ALAS1: variants seen among roughly 807,000 people sequenced by gnomAD.
ALAS1 encodes 5'-aminolevulinate synthase 1.
Under a neutral mutation model 59.6 loss-of-function variants are expected in ALAS1, and 29 were observed. The ratio of observed to expected loss-of-function variants is 0.49; its 90% CI spans 0.36 to 0.66. The LOEUF is 0.66. Among genes scored for constraint, ALAS1 ranks in the 30% least tolerant of loss-of-function variants. The pLI is 0.00. For synonymous variants in ALAS1, 299 were observed against 296.6 expected (o/e 1.01, Z -0.08); for missense variants, 690 against 807.5 (o/e 0.85, Z 1.76).
intron 3 of ALAS1, 46 bp from the exon 4 acceptor site, chr3:52,202,461 T>A (rs1348409009): frequency 3.4e-6 from 5 of 1,474,874 alleles, no homozygotes; most frequent in Non-Finnish European, 4.7e-6. Context: ...TCTTACATAC[T>A]GTGCAACCAG....
rs199511435 is a variant in ALAS1 at position 52,214,117 on chromosome 3, G to A, written c.1860G>A (p.Val620=). 1.9e-6 allele frequency: 3 copies of A among 1,613,954 alleles called. No homozygotes were observed. In the East Asian group the frequency reaches 6.7e-5, roughly 36 times the overall value. The change falls in exon 12 of 12, where the codon GTG becomes GTA. Residue 620 remains valine, a synonymous_variant. Transcript: ENST00000484952. ...GCAGGAGGCCACTGCATTTTGAAGT[G>A]ATGAGTGAAAGAGAGAAGTCCTATT... ...NFCRRPLHFE[V]MSEREKSYFS...
chr3:52,208,358 C>G, intron 9 of ALAS1, 111 bp downstream of exon 9: 1 of 1,203,116 alleles, frequency 8.3e-7, no homozygotes. Context: ...CATATGAAGC[C>G]TGGGCCACTC....
Position 52,211,365 on chromosome 3 carries a change from C to T in ALAS1, c.1413C>T (p.Phe471=). The stretch of plus-strand genomic sequence containing the variant: ...CCGTACGGTCCTATGCTGCTGGCTT[C>T]ATCTTCACCACCTCTCTGCCACCCA... ...IDTVRSYAAG[F]IFTTSLPPML... The change falls in exon 10 of 12, where the codon TTC becomes TTT. Residue 471 remains phenylalanine, a synonymous_variant. Coordinates refer to ENST00000484952, the MANE Select transcript of ALAS1 (RefSeq NM_000688.6). 1 of 1,614,210 alleles carries T rather than the reference C, an allele frequency of 6.2e-7. No homozygotes were observed. The highest frequency in any genetic ancestry group is 1.1e-5 in the South Asian group (1 of 91,084).
intron 3 of ALAS1, among the ~76,000 whole-genome samples, chr3:52,199,833 CT>C (rs1380046999): frequency 1.3e-5 from 2 of 152,004 alleles, no homozygotes; most frequent in Non-Finnish European, 2.9e-5. Context: ...TTTAATTTTT[CT>C]TTTTTGAGAC....
At chr3:52,198,390 TTATCCTCCA>T (rs1217734534) in intron 1 of ALAS1, 135 bp downstream of exon 1, 3 of 429,338 alleles carry the variant, frequency 7.0e-6, no homozygotes, top group Non-Finnish European at 1.2e-5. Flanking sequence ...AGGTCAGCGT[TTATCCTCCA>T]GATCTTTTGC....
In ALAS1 at chr3:52,204,742, G is replaced by A; in HGVS notation, c.627G>A (p.Glu209=). The A allele has an allele frequency of 6.2e-7, 1 of 1,614,138 alleles. No individual in the cohort carries two copies. The highest frequency in any genetic ancestry group is 1.1e-5 in the South Asian group (1 of 91,088). ...GTTTCTTTGAGAAAAAAATTGATGAGAAAAAGAATGACCACACCTATCGAG... is the reference window on the plus strand; with the variant it reads ...GTTTCTTTGAGAAAAAAATTGATGAAAAAAAGAATGACCACACCTATCGAG... ...YDRFFEKKID[E]KKNDHTYRVF... The change falls in exon 6 of 12, where the codon GAG becomes GAA. Residue 209 remains glutamate (E), a synonymous_variant. Transcript: ENST00000484952.
At chr3:52,206,338 C>A (rs142791745) in intron 7 of ALAS1, among the ~76,000 whole-genome samples, 13 of 152,274 alleles carry the variant, frequency 8.5e-5, no homozygotes, top group African/African-American at 2.9e-4. Flanking sequence ...TGGAGTGAGG[C>A]AGTCAGATTT....
At chr3:52,203,808 T>C in intron 4 of ALAS1, 55 bp from the exon 5 acceptor site, 1 of 1,527,198 alleles carries the variant, frequency 6.5e-7, no homozygotes, top group Admixed American at 2.2e-5. Context: ...TGGAAGATAT[T>C]GTGAACTCAG....
chr3:52,208,054 C>G, intron 8 of ALAS1, 29 bp from the exon 9 acceptor site: 1 of 1,504,724 alleles, frequency 6.6e-7, no homozygotes, highest in Non-Finnish European at 8.8e-7. Context: ...GGCAAAAGCT[C>G]TTCAGAGCAG....
intron 11 of ALAS1, 113 bp downstream of exon 11, chr3:52,212,533 T>C: frequency 7.1e-7 from 1 of 1,415,286 alleles, no homozygotes; most frequent in Middle Eastern, 2.5e-4. Context: ...TTCTTCTTTT[T>C]TTAGTTTTTT....
chr3:52,205,844 C>T lies in ALAS1; in HGVS notation c.806C>T (p.Thr269Ile). Residue 269 changes from threonine (T) to isoleucine (I), a missense_variant, in exon 7 of 12, where the codon ACT becomes ATT. Coordinates refer to ENST00000484952, the MANE Select transcript of ALAS1 (RefSeq NM_000688.6). ...HPRVCGAVMD[T>I]LKQHGAGAGG... The stretch of plus-strand genomic sequence containing the variant: ...TTGTTTGTATTTTTAAACAGGGACA[C>T]TTTGAAACAACATGGTGCTGGGGCA... 1 of 1,607,176 alleles carries T rather than the reference C, an allele frequency of 6.2e-7. No individual in the cohort carries two copies. The highest frequency in any genetic ancestry group is 1.1e-5 in the South Asian group (1 of 90,130).
At chr3:52,208,004 A>G in intron 8 of ALAS1, 79 bp from the exon 9 acceptor site, 1 of 1,364,704 alleles carries the variant, frequency 7.3e-7, no homozygotes, top group Non-Finnish European at 9.7e-7. Context: ...ATAGAAGTTT[A>G]CGTTGTTCTG....
At chr3:52,211,850 T>C (rs1699416810) in intron 10 of ALAS1, among the ~76,000 whole-genome samples, 1 of 152,208 alleles carries the variant, frequency 6.6e-6, no homozygotes, top group Non-Finnish European at 1.5e-5. Flanking sequence ...AGCTTTGAAG[T>C]ATGGCTTTCT....
In ALAS1 at chr3:52,206,630, CA is replaced by C; in HGVS notation, c.1045del (p.Ser349AlafsTer112). ...HASMIQGIRN[S>X]RVPKYIFRHN... Reference sequence around the variant, plus strand: ...CCTCCATGATCCAAGGGATTCGAAACAGCCGAGTGCCAAAGTACATCTTCCG... The same window carrying C: ...CCTCCATGATCCAAGGGATTCGAAACGCCGAGTGCCAAAGTACATCTTCCG... On this transcript the variant is annotated frameshift_variant, in exon 8 of 12. Transcript: ENST00000484952. LOFTEE classifies it high-confidence loss of function. The C allele has an allele frequency of 6.2e-7, 1 of 1,614,204 alleles. No individual in the cohort carries two copies.
rs773391171 is a variant in ALAS1 at position 52,198,809 on chromosome 3, C to T, written c.-72C>T. On this transcript the variant is annotated 5_prime_UTR_variant, in exon 2 of 12. Transcript: ENST00000484952. The stretch of plus-strand genomic sequence containing the variant: ...GAAAGTCAGGATCCCTAAGAGTCTT[C>T]CCTGCCTGGATGGATGAGTGGCTTC... 118 of 1,535,522 alleles carry T rather than the reference C, an allele frequency of 7.7e-5. No individual in the cohort carries two copies. Among genetic ancestry groups the T allele is most frequent in the Non-Finnish European group, 9.8e-5 (112 of 1,146,898 alleles).
chr3:52,211,326 T>C lies in ALAS1; in HGVS notation c.1374T>C (p.Ser458=). 6.2e-7 allele frequency: 1 copy of C among 1,614,066 alleles called. No homozygotes were observed. The highest frequency in any genetic ancestry group is 8.5e-7 in the Non-Finnish European group (1 of 1,180,008). Reference sequence around the variant, plus strand: ...TTGGAGGGTACATCGCCAGCACGAGTTCTCTGATTGACACCGTACGGTCCT... The same window carrying C: ...TTGGAGGGTACATCGCCAGCACGAGCTCTCTGATTGACACCGTACGGTCCT... ...GCVGGYIAST[S]SLIDTVRSYA... Residue 458 remains serine (S), a synonymous_variant, in exon 10 of 12, where the codon AGT becomes AGC. Coordinates refer to ENST00000484952, the MANE Select transcript of ALAS1 (RefSeq NM_000688.6).
intron 3 of ALAS1, among the ~76,000 whole-genome samples, chr3:52,201,392 T>G (rs530318296): frequency 6.6e-6 from 1 of 152,346 alleles, no homozygotes; most frequent in South Asian, 2.1e-4. Context: ...TTCTGTTGTT[T>G]AGATGAAAAC....
In ALAS1 at chr3:52,205,878, T is replaced by C; in HGVS notation, c.840T>C (p.Thr280=). The part of the protein sequence containing the change: ...LKQHGAGAGG[T]RNISGTSKFH... ...AACATGGTGCTGGGGCAGGTGGTAC[T>C]AGAAATATTTCTGGAACTAGTAAAT... is the stretch of plus-strand genomic sequence containing the variant. Residue 280 remains threonine, a synonymous_variant, in exon 7 of 12, where the codon ACT becomes ACC. Transcript: ENST00000484952. 6.2e-7 allele frequency: 1 copy of C among 1,614,112 alleles called. No homozygotes were observed. Among genetic ancestry groups the C allele is most frequent in the Non-Finnish European group, 8.5e-7 (1 of 1,179,984 alleles).
Position 52,209,201 on chromosome 3 carries a change from CTTTTCTTTT to C in ALAS1, c.1330+969_1330+977del, listed in dbSNP as rs953628388. Among the ~76,000 whole-genome samples, 24 of 152,080 alleles carry C rather than the reference CTTTTCTTTT, an allele frequency of 1.6e-4. 1 individual carries two copies. The highest frequency in any genetic ancestry group is 5.9e-4 in the Admixed American group (9 of 15,258). ...ATCATGTGTCTTAATTCAAGAAGCT[CTTTTCTTTT>C]TTTTCTTTTTTTTCCGAGATGGAGT... is the stretch of plus-strand genomic sequence containing the variant. On this transcript the variant is annotated intron_variant, in intron 9 of 11. Coordinates refer to ENST00000484952, the MANE Select transcript of ALAS1 (RefSeq NM_000688.6).
Sources: gnomAD v4.1 joint callset for allele counts (sites outside exome capture counted in the v4.1 genomes callset) on GRCh38, gnomAD v4.1.1 for gene constraint, MANE v1.5 for transcripts, NCBI Gene and HGNC (gene_info 2026-07-23, HGNC 2026-07-21) for gene names.